The following SPATA17 variants were observed in gnomAD, a reference collection of about 807,000 sequenced individuals.
The protein encoded by SPATA17 is spermatogenesis associated 17, also known as spermatogenesis-associated protein 17.
SPATA17 carries 53 observed loss-of-function variants against 62.2 expected under a neutral mutation model. The ratio of observed to expected loss-of-function variants is 0.85; its 90% CI spans 0.68 to 1.07. The LOEUF (loss-of-function observed/expected upper bound fraction) is 1.07, where lower values mean the gene tolerates loss of function less well. SPATA17 is among the 50% of genes least tolerant of loss of function. The pLI is 0.00. For synonymous variants in SPATA17, 146 were observed against 146.8 expected, an observed-to-expected ratio of 0.99 and a Z score of 0.04; for missense variants, 466 against 425.5, an observed-to-expected ratio of 1.10 and a Z score of -0.84.
intron 8 of SPATA17, among the ~76,000 whole-genome samples, chr1:217,798,552 A>G (rs1674213631): frequency 6.6e-6 from 1 of 152,148 alleles, no homozygotes; most frequent in African/African-American, 2.4e-5. Flanking sequence ...TGTGGGCATC[A>G]AATGATCATA....
At chr1:217,659,408 G>T (rs1003568373) in intron 3 of SPATA17, among the ~76,000 whole-genome samples, 1 of 151,882 alleles carries the variant, frequency 6.6e-6, no homozygotes, top group Non-Finnish European at 1.5e-5. Flanking sequence ...AATAACAGAA[G>T]GTTGGTAAGG....
At chr1:217,801,288 C>A (rs1465196646) in intron 8 of SPATA17, among the ~76,000 whole-genome samples, 4 of 152,126 alleles carry the variant, frequency 2.6e-5, no homozygotes, top group Non-Finnish European at 5.9e-5. Flanking sequence ...ATAATGCCAC[C>A]ATTATTGAAG....
At chr1:217,653,761 A>G (rs989522129) in intron 3 of SPATA17, among the ~76,000 whole-genome samples, 1 of 152,104 alleles carries the variant, frequency 6.6e-6, no homozygotes, top group African/African-American at 2.4e-5. Flanking sequence ...TTCTTCTTTT[A>G]CTTTTTCAAT....
At chr1:217,726,482 T>C (rs1223059512) in intron 5 of SPATA17, among the ~76,000 whole-genome samples, 3 of 152,322 alleles carry the variant, frequency 2.0e-5, no homozygotes, top group African/African-American at 7.2e-5. Flanking sequence ...TTATAAACCC[T>C]CTTGGCTGGG....
intron 8 of SPATA17, among the ~76,000 whole-genome samples, chr1:217,794,181 A>C (rs1674077854): frequency 6.6e-6 from 1 of 151,900 alleles, no homozygotes; most frequent in African/African-American, 2.4e-5. Context: ...GGATTTGGCT[A>C]TTGGGGAGTC....
rs543036819 is a variant in SPATA17 at position 217,710,165 on chromosome 1, C to T, written c.395+26804C>T. 1.3e-3 allele frequency among the ~76,000 whole-genome samples: 205 copies of T among 152,138 alleles called. 2 individuals are homozygous for T. Among genetic ancestry groups the T allele is most frequent in the Non-Finnish European group, 1.6e-3 (109 of 67,990 alleles). ...AAATTGTGTGGTACATATGCAAAAA[C>T]GCATTTTTTAACCAAGAGTGGACCT... is the stretch of plus-strand genomic sequence containing the variant. On this transcript the variant is annotated intron_variant, in intron 5 of 10. Coordinates refer to ENST00000366933, the MANE Select transcript of SPATA17 (RefSeq NM_138796.4).
intron 9 of SPATA17, among the ~76,000 whole-genome samples, chr1:217,848,300 G>A (rs1036483860): frequency 6.6e-6 from 1 of 152,056 alleles, no homozygotes; most frequent in Non-Finnish European, 1.5e-5. Flanking sequence ...CCAAAAAATA[G>A]GCTATCTCTT....
chr1:217,810,345 A>C (rs1158808295), intron 9 of SPATA17, among the ~76,000 whole-genome samples: 2 of 152,188 alleles, frequency 1.3e-5, no homozygotes, highest in Non-Finnish European at 2.9e-5. Context: ...TGTTGGTCTC[A>C]TGTATTAGTC....
rs762933043 is a variant in SPATA17 at position 217,775,491 on chromosome 1, T to C, written c.723+954T>C. Among the ~76,000 whole-genome samples, 12 of 151,862 alleles carry C rather than the reference T, an allele frequency of 7.9e-5. 1 individual carries two copies. The highest frequency in any genetic ancestry group is 1.8e-4 in the Non-Finnish European group (12 of 67,938). On this transcript the variant is annotated intron_variant, in intron 7 of 10. Coordinates refer to ENST00000366933, the MANE Select transcript of SPATA17 (RefSeq NM_138796.4). ...AGGCCAAGGCGGACAGATCACAAGG[T>C]CAAGAGATCAAGACCATCCTGGACA... is the stretch of plus-strand genomic sequence containing the variant.
chr1:217,654,300 G>T (rs892620027), intron 3 of SPATA17, among the ~76,000 whole-genome samples: 6 of 151,898 alleles, frequency 4.0e-5, no homozygotes, highest in African/African-American at 1.4e-4. Context: ...ATCACGCCCG[G>T]CTAATTTTCT....
At chr1:217,762,783 C>T (rs1292166084) in intron 6 of SPATA17, among the ~76,000 whole-genome samples, 2 of 152,140 alleles carry the variant, frequency 1.3e-5, no homozygotes, top group African/African-American at 4.8e-5. Flanking sequence ...ACCAGCCTGG[C>T]CAACGTGGTG....
At position 217,853,689 on chromosome 1, in the gene SPATA17, T is replaced by A. The variant is rs1362889436; in HGVS notation, c.1006-9085T>A. ...AATAGGATTACGTTTCTGCTAGACT[T>A]TGGTCAACATTTTTGCCAACCAATC... On this transcript the variant is annotated intron_variant, in intron 9 of 10. Transcript: ENST00000366933. Among the ~76,000 whole-genome samples, 4 of 152,200 alleles carry A rather than the reference T, an allele frequency of 2.6e-5. No individual in the cohort carries two copies. In the East Asian group the frequency reaches 7.7e-4, roughly 29 times the overall value.
At chr1:217,812,524 A>G (rs1674616286) in intron 9 of SPATA17, among the ~76,000 whole-genome samples, 1 of 152,124 alleles carries the variant, frequency 6.6e-6, no homozygotes, top group African/African-American at 2.4e-5. Flanking sequence ...CTATTTGCAA[A>G]CTGCGCAAGT....
chr1:217,828,656 A>G (rs1238599496), intron 9 of SPATA17, among the ~76,000 whole-genome samples: 1 of 151,952 alleles, frequency 6.6e-6, no homozygotes, highest in African/African-American at 2.4e-5. Flanking sequence ...ACAACATGAA[A>G]AGGCAACCTA....
At chr1:217,726,369 G>A (rs1032458049) in intron 5 of SPATA17, among the ~76,000 whole-genome samples, 3 of 152,154 alleles carry the variant, frequency 2.0e-5, no homozygotes, top group African/African-American at 7.2e-5. Flanking sequence ...AGTCCAATTT[G>A]CCATCAGTTG....
At chr1:217,643,430 C>G (rs1264394470) in intron 1 of SPATA17, among the ~76,000 whole-genome samples, 1 of 152,014 alleles carries the variant, frequency 6.6e-6, no homozygotes, top group Non-Finnish European at 1.5e-5. Flanking sequence ...TTCATCTTCC[C>G]TCTACACCCC....
chr1:217,662,428 G>T (rs985058421), intron 3 of SPATA17, among the ~76,000 whole-genome samples: 1 of 151,950 alleles, frequency 6.6e-6, no homozygotes, highest in Non-Finnish European at 1.5e-5. Flanking sequence ...ATAGCCTATG[G>T]TAGAACTATT....
At chr1:217,809,071 C>A (rs1359652040) in intron 9 of SPATA17, among the ~76,000 whole-genome samples, 1 of 151,846 alleles carries the variant, frequency 6.6e-6, no homozygotes, top group South Asian at 2.1e-4. Context: ...AAACGTTAGA[C>A]CGAAAAGAAA....
intron 9 of SPATA17, among the ~76,000 whole-genome samples, chr1:217,842,594 T>C (rs879882090): frequency 6.6e-6 from 1 of 152,016 alleles, no homozygotes; most frequent in Admixed American, 6.6e-5. Context: ...TTTTATTATA[T>C]ATTAATATTT....
Sources: gnomAD v4.1 joint callset for allele counts (sites outside exome capture counted in the v4.1 genomes callset) on GRCh38, gnomAD v4.1.1 for gene constraint, MANE v1.5 for transcripts, NCBI Gene and HGNC (gene_info 2026-07-23, HGNC 2026-07-21) for gene names.